The following ZNF831 variants were observed in gnomAD, a reference collection of about 807,000 sequenced individuals.
ZNF831 encodes the protein zinc finger protein 831, also known as chromosome 20 open reading frame 174.
Under a neutral mutation model 95.8 loss-of-function variants are expected in ZNF831, and 59 were observed. The observed-to-expected ratio is 0.62, with a 90% CI of 0.50 to 0.77. ZNF831 has a LOEUF of 0.77. ZNF831 is among the 30% of genes least tolerant of loss of function. The probability of loss-of-function intolerance (pLI) is 0.00; values close to 1 mark genes in which losing one functional copy is unlikely to be tolerated. For missense variants in ZNF831, 2,205 were observed against 2,164.0 expected (o/e 1.02, Z -0.38); for synonymous variants, 961 against 925.5 (o/e 1.04, Z -0.70).
At chr20:59,195,350 G>GTCC (rs1312779424) in intron 2 of ZNF831, among the ~76,000 whole-genome samples, 1 of 152,246 alleles carries the variant, frequency 6.6e-6, no homozygotes, top group African/African-American at 2.4e-5. Context: ...TGAGGGCTTA[G>GTCC]TCCTGCTCTG....
intron 4 of ZNF831, among the ~76,000 whole-genome samples, chr20:59,241,505 TACA>T (rs1987335816): frequency 6.6e-6 from 1 of 152,202 alleles, no homozygotes; most frequent in Admixed American, 6.5e-5. Flanking sequence ...CTGCTTTTAT[TACA>T]AACTTTTATA....
At chr20:59,140,512 G>A (rs1979645539) in intron 1 of ZNF831, among the ~76,000 whole-genome samples, 2 of 152,086 alleles carry the variant, frequency 1.3e-5, no homozygotes, top group Admixed American at 6.5e-5. Context: ...CTTCATTTCT[G>A]AAGTCTTTTA....
chr20:59,213,953 T>C (rs1480238653), intron 4 of ZNF831, among the ~76,000 whole-genome samples: 1 of 152,242 alleles, frequency 6.6e-6, no homozygotes, highest in Non-Finnish European at 1.5e-5. Flanking sequence ...TTGTAAAGGC[T>C]GGTGAGGTTT....
intron 2 of ZNF831, 43 bp from the exon 3 acceptor site, chr20:59,195,826 A>G: frequency 6.3e-7 from 1 of 1,585,018 alleles, no homozygotes; most frequent in Non-Finnish European, 8.6e-7. Flanking sequence ...CTTCATCATG[A>G]GGACTTTGAG....
At chr20:59,246,175 A>G (rs535482718) in intron 4 of ZNF831, among the ~76,000 whole-genome samples, 1 of 152,024 alleles carries the variant, frequency 6.6e-6, no homozygotes, top group African/African-American at 2.4e-5. Flanking sequence ...GAGGCCAGGG[A>G]TGGGTCTGGG....
At chr20:59,146,548 C>T (rs1319421813) in intron 2 of ZNF831, 7 of 152,330 alleles carry the variant, frequency 4.6e-5, no homozygotes, top group Non-Finnish European at 8.8e-5. Flanking sequence ...GAGCCCCACT[C>T]AGGTCCCCTT....
intron 2 of ZNF831, among the ~76,000 whole-genome samples, chr20:59,155,856 T>G (rs1980507942): frequency 6.6e-6 from 1 of 152,182 alleles, no homozygotes; most frequent in African/African-American, 2.4e-5. Context: ...GAGTCTGGCC[T>G]TGAGACACGT....
At chr20:59,182,467 C>A (rs752841625) in intron 1 of ZNF831, among the ~76,000 whole-genome samples, 1 of 152,044 alleles carries the variant, frequency 6.6e-6, no homozygotes, top group South Asian at 2.1e-4. Flanking sequence ...AGTGGCAAAA[C>A]CAGAACTCAA....
chr20:59,168,478 G>GA, intron 1 of ZNF831, among the ~76,000 whole-genome samples: 1 of 75,194 alleles, frequency 1.3e-5, no homozygotes, highest in Non-Finnish European at 2.6e-5. Context: ...TTTTTTTGTA[G>GA]ATTCTTTGAG....
intron 1 of ZNF831, among the ~76,000 whole-genome samples, chr20:59,130,119 G>A (rs1979302685): frequency 6.6e-6 from 1 of 152,138 alleles, no homozygotes; most frequent in South Asian, 2.1e-4. Flanking sequence ...CCTTGACGAT[G>A]GGATTCAGGG....
intron 1 of ZNF831, among the ~76,000 whole-genome samples, chr20:59,131,826 G>A (rs531123480): frequency 1.3e-5 from 2 of 152,338 alleles, no homozygotes; most frequent in South Asian, 4.1e-4. Flanking sequence ...ATCCATCCAG[G>A]CATGGCCAGG....
At chr20:59,161,285 T>TG (rs1980843650), upstream of ZNF831, among the ~76,000 whole-genome samples, 1 of 150,740 alleles carries the variant, frequency 6.6e-6, no homozygotes. Context: ...TGTTTTTTTT[T>TG]GTTTTTTTTT....
chr20:59,166,818 T>G (rs1026254904), intron 1 of ZNF831, among the ~76,000 whole-genome samples: 3 of 152,268 alleles, frequency 2.0e-5, no homozygotes, highest in Admixed American at 6.5e-5. Context: ...ACAGTTGGTT[T>G]AAATATTCAT....
intron 1 of ZNF831, among the ~76,000 whole-genome samples, chr20:59,126,130 T>C (rs1979164368): frequency 6.6e-6 from 1 of 152,208 alleles, no homozygotes; most frequent in South Asian, 2.1e-4. Context: ...ATCAGATTTC[T>C]TTAGGAAATG....
intron 1 of ZNF831, among the ~76,000 whole-genome samples, chr20:59,144,662 T>C (rs1979784543): frequency 2.6e-5 from 4 of 152,208 alleles, no homozygotes; most frequent in Admixed American, 2.6e-4. Flanking sequence ...CTTCTGTTGC[T>C]GCACTGATGA....
intron 1 of ZNF831, among the ~76,000 whole-genome samples, chr20:59,144,200 CA>C (rs1299673795): frequency 1.3e-5 from 2 of 152,150 alleles, no homozygotes; most frequent in African/African-American, 2.4e-5. Context: ...TGTCACCCAA[CA>C]AGAAATTAAA....
At chr20:59,156,663 C>A (rs2146465279) in intron 2 of ZNF831, among the ~76,000 whole-genome samples, 1 of 152,304 alleles carries the variant, frequency 6.6e-6, no homozygotes, top group Non-Finnish European at 1.5e-5. Context: ...CCCTCACCTT[C>A]CCCATTTCTC....
At chr20:59,207,230 A>G (rs1453590588) in intron 4 of ZNF831, among the ~76,000 whole-genome samples, 174 bp downstream of exon 4, 1 of 152,132 alleles carries the variant, frequency 6.6e-6, no homozygotes, top group Non-Finnish European at 1.5e-5. Flanking sequence ...GTGACCCTAA[A>G]CTAGTGGGGA....
chr20:59,236,140 C>T (rs1247763293), intron 4 of ZNF831, among the ~76,000 whole-genome samples: 1 of 152,150 alleles, frequency 6.6e-6, no homozygotes, highest in African/African-American at 2.4e-5. Flanking sequence ...TTCTTCCTTC[C>T]TGTTCTGTTC....
Sources: gnomAD v4.1 joint callset for allele counts (sites outside exome capture counted in the v4.1 genomes callset) on GRCh38, gnomAD v4.1.1 for gene constraint, MANE v1.5 for transcripts, NCBI Gene and HGNC (gene_info 2026-07-23, HGNC 2026-07-21) for gene names.